GRIA4: variants seen among roughly 807,000 people sequenced by gnomAD.
GRIA4 encodes glutamate ionotropic receptor AMPA type subunit 4.
Under a neutral mutation model 104.0 loss-of-function variants are expected in GRIA4, and 34 were observed. The ratio of observed to expected loss-of-function variants is 0.33; its 90% CI spans 0.25 to 0.44. The LOEUF is 0.44. GRIA4 is among the 20% of genes least tolerant of loss of function. The pLI is 1.00. For synonymous variants in GRIA4, 386 were observed against 381.9 expected, an observed-to-expected ratio of 1.01 and a Z score of -0.13; for missense variants, 750 against 1,096.5, an observed-to-expected ratio of 0.68 and a Z score of 4.46.
chr11:105,682,165 T>C (rs1332909885), intron 3 of GRIA4, among the ~76,000 whole-genome samples: 1 of 152,228 alleles, frequency 6.6e-6, no homozygotes, highest in Non-Finnish European at 1.5e-5. Flanking sequence ...GCCTAGTATA[T>C]AGTTTACACT....
chr11:105,968,890 C>G (rs1261859017), intron 14 of GRIA4, among the ~76,000 whole-genome samples: 1 of 152,124 alleles, frequency 6.6e-6, no homozygotes, highest in Non-Finnish European at 1.5e-5. Context: ...AATTTTAGGC[C>G]AATTTTTATG....
rs542080663 is a variant in GRIA4 at position 105,631,080 on chromosome 11, T to C, written c.247+18646T>C. ...TACAAAGTATCTAGACTTACTAAAATCCTCTCACTTTTACCCAAAGACAAT... is the reference window on the plus strand; with the variant it reads ...TACAAAGTATCTAGACTTACTAAAACCCTCTCACTTTTACCCAAAGACAAT... On this transcript the variant is annotated intron_variant, in intron 3 of 16. Transcript: ENST00000282499. Among the ~76,000 whole-genome samples the C allele has an allele frequency of 3.3e-5, 5 of 152,304 alleles. No homozygotes were observed. In the East Asian group the frequency reaches 9.6e-4, roughly 29 times the overall value.
chr11:105,619,030 A>G (rs1164320015), intron 3 of GRIA4, among the ~76,000 whole-genome samples: 2 of 151,666 alleles, frequency 1.3e-5, no homozygotes, highest in Non-Finnish European at 2.9e-5. Context: ...TATCTTCAAC[A>G]TAGGTTTTTC....
At chr11:105,914,603 G>A (rs1329082208) in intron 10 of GRIA4, among the ~76,000 whole-genome samples, 2 of 152,108 alleles carry the variant, frequency 1.3e-5, no homozygotes, top group African/African-American at 4.8e-5. Flanking sequence ...TAAACAGAGA[G>A]TGATTTATCT....
chr11:105,666,654 A>G lies in GRIA4; in HGVS notation c.247+54220A>G, dbSNP rs117776709. Among the ~76,000 whole-genome samples, 146 of 152,090 alleles carry G rather than the reference A, an allele frequency of 9.6e-4. No individual in the cohort carries two copies. In the East Asian group the frequency reaches 0.026, roughly 27 times the overall value. On this transcript the variant is annotated intron_variant, in intron 3 of 16. Coordinates refer to ENST00000282499, the MANE Select transcript of GRIA4 (RefSeq NM_000829.4). ...TTAATATTTGGTGATGTGTTGTTTT[A>G]ATCTTTTTTGAAGTATTTATAAAAG...
At chr11:105,631,155 C>T (rs1951025947) in intron 3 of GRIA4, among the ~76,000 whole-genome samples, 1 of 152,138 alleles carries the variant, frequency 6.6e-6, no homozygotes, top group South Asian at 2.1e-4. Flanking sequence ...GGTCTCTTTG[C>T]TCCTAAGTAG....
intron 3 of GRIA4, among the ~76,000 whole-genome samples, chr11:105,746,582 A>G (rs1011682023): frequency 6.6e-6 from 1 of 152,118 alleles, no homozygotes; most frequent in African/African-American, 2.4e-5. Context: ...CCAAACACAA[A>G]GTTGGATAAA....
intron 4 of GRIA4, among the ~76,000 whole-genome samples, chr11:105,828,845 C>T (rs183607701): frequency 1.3e-5 from 2 of 152,012 alleles, no homozygotes; most frequent in African/African-American, 4.8e-5. Context: ...CATGGGGTGT[C>T]CCAAGATATA....
At chr11:105,771,666 T>C (rs900802579) in intron 4 of GRIA4, among the ~76,000 whole-genome samples, 1 of 152,082 alleles carries the variant, frequency 6.6e-6, no homozygotes, top group Non-Finnish European at 1.5e-5. Context: ...ATTTATGCAT[T>C]TTGCTTCAGA....
At chr11:105,893,192 G>T (rs960696703) in intron 6 of GRIA4, among the ~76,000 whole-genome samples, 2 of 152,072 alleles carry the variant, frequency 1.3e-5, no homozygotes, top group Non-Finnish European at 2.9e-5. Flanking sequence ...TGCCCTCAGA[G>T]ACTTTATTTA....
At chr11:105,643,739 GAC>G (rs1221381222) in intron 3 of GRIA4, among the ~76,000 whole-genome samples, 1 of 152,056 alleles carries the variant, frequency 6.6e-6, no homozygotes, top group Non-Finnish European at 1.5e-5. Flanking sequence ...GCTTTTTTGA[GAC>G]ACAGTCTTGC....
At chr11:105,934,505 C>G (rs780808083) in intron 14 of GRIA4, among the ~76,000 whole-genome samples, 36 of 152,024 alleles carry the variant, frequency 2.4e-4, no homozygotes, top group Non-Finnish European at 4.7e-4. Context: ...AAAGCAATCA[C>G]AGTCAGAGGA....
rs747441884 is a variant in GRIA4, at chr11:105,740,747, A to G, written c.248-12234A>G. Among the ~76,000 whole-genome samples, 27 of 152,128 alleles carry G rather than the reference A, an allele frequency of 1.8e-4. 1 individual carries two copies. The highest frequency in any genetic ancestry group is 7.3e-5 in the Non-Finnish European group (5 of 68,034). ...GAAAAGACTGGTGAGAAGTCCAACT[A>G]TATGTAGATCAGGTGAGAGCAGCTA... On this transcript the variant is annotated intron_variant, in intron 3 of 16. Transcript: ENST00000282499.
intron 10 of GRIA4, among the ~76,000 whole-genome samples, chr11:105,918,470 T>C (rs1258225367): frequency 6.6e-6 from 1 of 152,160 alleles, no homozygotes; most frequent in Non-Finnish European, 1.5e-5. Context: ...GCTAGGTTTT[T>C]AATACTTTCT....
intron 3 of GRIA4, among the ~76,000 whole-genome samples, chr11:105,693,350 T>A (rs1953155230): frequency 6.6e-6 from 1 of 152,186 alleles, no homozygotes; most frequent in Non-Finnish European, 1.5e-5. Context: ...GAAAAACTTG[T>A]ATGAGATTAT....
intron 14 of GRIA4, among the ~76,000 whole-genome samples, chr11:105,965,710 G>C (rs1267444): frequency 0.65 from 98,482 of 152,022 alleles, 31,933 homozygotes; most frequent in Middle Eastern, 0.72. Flanking sequence ...GATGAGATCA[G>C]TTATTTGACA....
chr11:105,887,934 C>T (rs1946324598), intron 6 of GRIA4, among the ~76,000 whole-genome samples: 1 of 152,142 alleles, frequency 6.6e-6, no homozygotes, highest in South Asian at 2.1e-4. Flanking sequence ...CTTATGTTCT[C>T]TAATTTTAAG....
chr11:105,931,521 G>C (rs1222308157), intron 13 of GRIA4, among the ~76,000 whole-genome samples: 1 of 151,940 alleles, frequency 6.6e-6, no homozygotes, highest in Non-Finnish European at 1.5e-5. Context: ...TGGCCAACAT[G>C]ATGAAACCCC....
chr11:105,621,007 G>A (rs968636921), intron 3 of GRIA4, among the ~76,000 whole-genome samples: 2 of 151,718 alleles, frequency 1.3e-5, no homozygotes, highest in Admixed American at 6.6e-5. Flanking sequence ...AGCATCATCA[G>A]GTGCCTCCGA....
Sources: allele counts gnomAD v4.1 joint callset (sites outside exome capture counted in the v4.1 genomes callset), GRCh38; gene constraint gnomAD v4.1.1; transcripts MANE v1.5; gene names NCBI Gene and HGNC (gene_info 2026-07-23, HGNC 2026-07-21).